Variants in SCN11A observed in about 807,000 individuals in gnomAD.
SCN11A encodes the protein sodium channel protein type 11 subunit alpha.
In SCN11A, 122 loss-of-function variants were observed where a neutral mutation model predicts 162.2. The ratio of observed to expected loss-of-function variants is 0.75; its 90% confidence interval spans 0.65 to 0.87. The LOEUF (loss-of-function observed/expected upper bound fraction) is 0.87, where lower values mean the gene tolerates loss of function less well. Among genes scored for constraint, SCN11A ranks in the 40% least tolerant of loss-of-function variants. The pLI, the probability that SCN11A is intolerant of heterozygous loss-of-function variation, is 0.00. For missense variants in SCN11A, 2,015 were observed against 2,181.6 expected (o/e 0.92, Z 1.52); for synonymous variants, 758 against 751.5 (o/e 1.01, Z -0.14).
At chr3:38,962,239 T>C (rs1036710297) in intron 2 of SCN11A, among the ~76,000 whole-genome samples, 2 of 152,358 alleles carry the variant, frequency 1.3e-5, no homozygotes, top group South Asian at 2.1e-4. Flanking sequence ...CTTATTTTTA[T>C]AGCAGTACCA....
chr3:38,985,852 TAG>T (rs1478538015), intron 2 of SCN11A, among the ~76,000 whole-genome samples: 1 of 150,900 alleles, frequency 6.6e-6, no homozygotes, highest in African/African-American at 2.5e-5. Context: ...CAGAATGGAT[TAG>T]CTGGGTTCCT....
chr3:38,888,778 T>C (rs536461095), intron 19 of SCN11A, among the ~76,000 whole-genome samples: 1 of 152,214 alleles, frequency 6.6e-6, no homozygotes, highest in Non-Finnish European at 1.5e-5. Flanking sequence ...ACAGCAGAAA[T>C]TGATGACACT....
intron 3 of SCN11A, among the ~76,000 whole-genome samples, chr3:38,957,685 C>T (rs1421182609): frequency 2.0e-5 from 3 of 152,160 alleles, no homozygotes; most frequent in Admixed American, 6.5e-5. Flanking sequence ...CCACTCCTGC[C>T]GAATAGACAG....
At position 38,936,878 on chromosome 3, in the gene SCN11A, G is replaced by C. The variant is rs1030979911; in HGVS notation, c.488+8533C>G. ...CAGAATAGGAAAAAACTACTTTAAA[G>C]TTCATATGGAACCAAAAAAGAGCCC... is the stretch of plus-strand genomic sequence containing the variant. On this transcript the variant is annotated intron_variant, in intron 7 of 29. Coordinates refer to ENST00000302328, the MANE Select transcript of SCN11A (RefSeq NM_001349253.2). Among the ~76,000 whole-genome samples, 67 of 152,146 alleles carry C rather than the reference G, an allele frequency of 4.4e-4. No individual in the cohort carries two copies. In the South Asian group the frequency reaches 0.014, roughly 32 times the overall value.
Position 38,854,740 on chromosome 3 carries a change from T to A in SCN11A, c.4057-3989A>T, listed in dbSNP as rs540517505. Among the ~76,000 whole-genome samples, 11 of 152,314 alleles carry A rather than the reference T, an allele frequency of 7.2e-5. No individual in the cohort carries two copies. The South Asian group carries it at 2.3e-3, about 32-fold the overall frequency. On this transcript the variant is annotated intron_variant, in intron 28 of 29. Coordinates refer to ENST00000302328, the MANE Select transcript of SCN11A (RefSeq NM_001349253.2). ...CCACTGGGGAATCTGAAAATGCAGATCACGAGAGAAGGTTGTAACCTTACC... is the reference window on the plus strand; with the variant it reads ...CCACTGGGGAATCTGAAAATGCAGAACACGAGAGAAGGTTGTAACCTTACC...
At chr3:39,004,272 T>C (rs936704123) in intron 2 of SCN11A, among the ~76,000 whole-genome samples, 10 of 152,196 alleles carry the variant, frequency 6.6e-5, no homozygotes, top group African/African-American at 4.8e-5. Flanking sequence ...ATTTATTGAA[T>C]AGGGAGTCTT....
chr3:38,962,578 C>T (rs754832279), intron 2 of SCN11A, among the ~76,000 whole-genome samples: 1 of 151,988 alleles, frequency 6.6e-6, no homozygotes, highest in East Asian at 1.9e-4. Flanking sequence ...GGGCTGGATG[C>T]GTTGGCTCAC....
At chr3:38,911,384 T>G (rs1216694781) in intron 11 of SCN11A, among the ~76,000 whole-genome samples, 2 of 152,226 alleles carry the variant, frequency 1.3e-5, no homozygotes, top group Admixed American at 1.3e-4. Context: ...AGAATTCTTA[T>G]GCCAGTTTGA....
chr3:38,846,645 G>A lies in SCN11A; in HGVS notation c.*49C>T. 6.7e-7 allele frequency: 1 copy of A among 1,497,394 alleles called. No individual in the cohort carries two copies. Among genetic ancestry groups the A allele is most frequent in the Non-Finnish European group, 9.3e-7 (1 of 1,080,970 alleles). The allele number at this position is 1,497,394 out of a possible 1,614,324, so 92.8% of individuals were successfully genotyped here. A position where few individuals can be genotyped will look rare whatever the true frequency, so the allele number is the denominator to read the frequency against. ...AAGCTGCTGACCCCTGGAGCTCAGA[G>A]GCTGAAGGCAAGGCTGTGAAGCTAT... On this transcript the variant is annotated 3_prime_UTR_variant, in exon 30 of 30. Transcript: ENST00000302328.
chr3:38,989,439 A>T (rs1294950263), intron 2 of SCN11A, among the ~76,000 whole-genome samples: 1 of 152,254 alleles, frequency 6.6e-6, no homozygotes, highest in African/African-American at 2.4e-5. Flanking sequence ...ATGCAACAGT[A>T]GTAAGCTGGA....
intron 1 of SCN11A, among the ~76,000 whole-genome samples, chr3:39,046,816 G>A (rs1166873574): frequency 6.6e-6 from 1 of 152,074 alleles, no homozygotes; most frequent in Non-Finnish European, 1.5e-5. Context: ...AACCTCCTAG[G>A]CTCAAGCAAT....
chr3:38,878,399 A>C (rs1305681963), intron 23 of SCN11A, among the ~76,000 whole-genome samples: 1 of 152,020 alleles, frequency 6.6e-6, no homozygotes, highest in Non-Finnish European at 1.5e-5. Context: ...TGTTTTGCTT[A>C]AGGTTACACA....
intron 22 of SCN11A, among the ~76,000 whole-genome samples, chr3:38,882,554 G>C (rs1482436870): frequency 6.6e-6 from 1 of 152,128 alleles, no homozygotes; most frequent in African/African-American, 2.4e-5. Context: ...GAAATATGCA[G>C]GTGATAAGAG....
At chr3:39,000,612 T>C (rs1559569677) in intron 2 of SCN11A, among the ~76,000 whole-genome samples, 1 of 152,234 alleles carries the variant, frequency 6.6e-6, no homozygotes, top group Non-Finnish European at 1.5e-5. Context: ...AATTATTTAA[T>C]AGTCCTTTCT....
At chr3:38,985,292 T>G (rs2030198725) in intron 2 of SCN11A, among the ~76,000 whole-genome samples, 1 of 150,018 alleles carries the variant, frequency 6.7e-6, no homozygotes, top group Admixed American at 6.6e-5. Context: ...TACGCCCGGC[T>G]AATTTTTTTT....
At chr3:38,962,739 T>A (rs1215046546) in intron 2 of SCN11A, among the ~76,000 whole-genome samples, 1 of 151,988 alleles carries the variant, frequency 6.6e-6, no homozygotes, top group Non-Finnish European at 1.5e-5. Context: ...TCCCAGCTAC[T>A]CAGGAGGCTG....
At chr3:38,871,256 C>T (rs1257986799) in intron 25 of SCN11A, among the ~76,000 whole-genome samples, 189 bp downstream of exon 25, 3 of 151,864 alleles carry the variant, frequency 2.0e-5, no homozygotes, top group Non-Finnish European at 4.4e-5. Context: ...GAAGCTGAGG[C>T]TCAGCAGTCA....
chr3:38,928,477 C>T lies in SCN11A; in HGVS notation c.489-1546G>A, dbSNP rs150593579. The stretch of plus-strand genomic sequence containing the variant: ...TGGAGAAGCAAACCACCATGGCACA[C>T]ATACAGCTATGTAACAAACCTTCAT... On this transcript the variant is annotated intron_variant, in intron 7 of 29. Transcript: ENST00000302328. Among the ~76,000 whole-genome samples the T allele has an allele frequency of 3.6e-3, 543 of 152,258 alleles. 7 individuals carry two copies. Among genetic ancestry groups the T allele is most frequent in the African/African-American group, 0.013 (520 of 41,534 alleles).
intron 28 of SCN11A, among the ~76,000 whole-genome samples, chr3:38,860,697 A>G (rs1427396354): frequency 1.3e-5 from 2 of 152,310 alleles, no homozygotes; most frequent in East Asian, 1.9e-4. Context: ...GCATCTCTTT[A>G]TGATAAAACC....
Sources: allele counts gnomAD v4.1 joint callset (sites outside exome capture counted in the v4.1 genomes callset), GRCh38; gene constraint gnomAD v4.1.1; transcripts MANE v1.5; gene names NCBI Gene and HGNC (gene_info 2026-07-23, HGNC 2026-07-21).